NOC3L: variants seen among roughly 807,000 people sequenced by gnomAD.
NOC3L encodes the protein nucleolar complex protein 3 homolog.
A neutral mutation model predicts 102.5 loss-of-function variants in NOC3L; 85 were observed. That is an observed-to-expected ratio of 0.83 (90% CI 0.70 to 0.99). NOC3L has a LOEUF of 0.99. Among genes scored for constraint, NOC3L ranks in the 50% least tolerant of loss-of-function variants. NOC3L has a pLI of 0.00. For missense variants in NOC3L, 878 were observed against 914.9 expected (o/e 0.96, Z 0.52); for synonymous variants, 303 against 309.4 (o/e 0.98, Z 0.22).
rs911546033 is a variant in NOC3L, at chr10:94,340,564, T to TA, written c.1645-69dup. On this transcript the variant is annotated intron_variant, in intron 14 of 20. Coordinates refer to ENST00000371361, the MANE Select transcript of NOC3L (RefSeq NM_022451.11). ...GAATGGTAATTGCCATTTATAGCTTTAAAAAAGAACTTTAAGGCCAGGAGC... is the reference window on the plus strand; with the variant it reads ...GAATGGTAATTGCCATTTATAGCTTTAAAAAAAGAACTTTAAGGCCAGGAGC... 3.6e-5 allele frequency: 49 copies of TA among 1,361,346 alleles called. No individual in the cohort carries two copies. In the African/African-American group the frequency reaches 6.5e-4, roughly 18 times the overall value. The allele number at this position is 1,361,346 out of a possible 1,614,324, so 84.3% of individuals were successfully genotyped here.
intron 16 of NOC3L, 82 bp from the exon 17 acceptor site, chr10:94,340,002 G>A: frequency 7.9e-7 from 1 of 1,257,876 alleles, no homozygotes; most frequent in Non-Finnish European, 1.1e-6. Flanking sequence ...ATAAACCCAA[G>A]ATAAACTTTT....
chr10:94,361,637 C>A, intron 2 of NOC3L, 28 bp downstream of exon 2: 1 of 1,596,744 alleles, frequency 6.3e-7, no homozygotes, highest in South Asian at 1.1e-5. Context: ...TCAATGGAAA[C>A]CAGAGCACAT....
At chr10:94,340,622 G>C (rs2054271713) in intron 14 of NOC3L, 126 bp from the exon 15 acceptor site, 1 of 753,032 alleles carries the variant, frequency 1.3e-6, no homozygotes, top group Non-Finnish European at 2.2e-6. Flanking sequence ...AGCAATTTGG[G>C]AGGCTGAGGC....
chr10:94,345,960 C>T (rs528035561), intron 11 of NOC3L, among the ~76,000 whole-genome samples: 42 of 152,064 alleles, frequency 2.8e-4, no homozygotes, highest in Non-Finnish European at 5.0e-4. Flanking sequence ...TTATTAGCCC[C>T]GTTTATCAAA....
intron 18 of NOC3L, among the ~76,000 whole-genome samples, chr10:94,338,390 T>C (rs1172482593): frequency 6.6e-6 from 1 of 152,194 alleles, no homozygotes; most frequent in African/African-American, 2.4e-5. Context: ...CCTACAGAAC[T>C]GACACTGTTT....
chr10:94,337,321 T>C (rs1030966260), intron 19 of NOC3L, among the ~76,000 whole-genome samples: 1 of 151,452 alleles, frequency 6.6e-6, no homozygotes, highest in Non-Finnish European at 1.5e-5. Context: ...TCTCCTCATT[T>C]TTTTTTTCTC....
chr10:94,331,676 C>T (rs574311085), downstream of NOC3L: 129 of 152,246 alleles, frequency 8.5e-4, 1 homozygote, highest in Non-Finnish European at 1.4e-3. Context: ...GGGAGATTGT[C>T]TCTTATACAG....
chr10:94,351,620 T>C (rs1486180369), intron 8 of NOC3L, among the ~76,000 whole-genome samples: 1 of 152,086 alleles, frequency 6.6e-6, no homozygotes, highest in East Asian at 1.9e-4. Flanking sequence ...CTCAAACTTC[T>C]GGACTCAAGT....
At chr10:94,344,703 C>T (rs552084850) in intron 12 of NOC3L, 150 bp downstream of exon 12, 1 of 684,066 alleles carries the variant, frequency 1.5e-6, no homozygotes, top group Non-Finnish European at 2.5e-6. Context: ...TAGCACTGAT[C>T]ACATCACAGT....
chr10:94,328,012 A>G, the NOC3L span: 1 of 531,250 alleles, frequency 1.9e-6, no homozygotes. Flanking sequence ...CATGGTGGAA[A>G]AAATATAATT....
At chr10:94,316,727 G>A in the NOC3L span, 3 of 1,613,940 alleles carry the variant, frequency 1.9e-6, no homozygotes, top group South Asian at 2.2e-5. Context: ...GGGATACATG[G>A]GCAGGATTGT....
chr10:94,337,993 CAGTAT>C, intron 18 of NOC3L, 119 bp from the exon 19 acceptor site: 1 of 561,432 alleles, frequency 1.8e-6, no homozygotes, highest in South Asian at 2.9e-5. Context: ...CACCTATGTA[CAGTAT>C]ATGTAATTCA....
the NOC3L span, among the ~76,000 whole-genome samples, chr10:94,319,814 T>C: frequency 6.6e-6 from 1 of 150,760 alleles, no homozygotes; most frequent in South Asian, 2.1e-4. Context: ...TTCGAACTAA[T>C]GTGGCTAGAA....
chr10:94,362,866 G>A lies in NOC3L; in HGVS notation c.-28C>T, dbSNP rs375263761. The A allele has an allele frequency of 6.2e-7, 1 of 1,613,974 alleles. No individual in the cohort carries two copies. ...TTAGGCCTTAAATGAATGCCGGCCAGACAAGTTCACCAGAAGCAGGGTTAC... is the reference window on the plus strand; with the variant it reads ...TTAGGCCTTAAATGAATGCCGGCCAAACAAGTTCACCAGAAGCAGGGTTAC... On this transcript the variant is annotated 5_prime_UTR_variant, in exon 1 of 21. Transcript: ENST00000371361.
At position 94,362,939 on chromosome 10, in the gene NOC3L, C is replaced by A; in HGVS notation, c.-101G>T. The A allele has an allele frequency of 6.3e-7, 1 of 1,588,588 alleles. No homozygotes were observed. Among genetic ancestry groups the A allele is most frequent in the East Asian group, 2.2e-5 (1 of 44,668 alleles). ...ACACGTGCCGAAGTCCCTACACTAC[C>A]AGAGCCGGAAACGGCCTTCAGTCCC... On this transcript the variant is annotated 5_prime_UTR_variant, in exon 1 of 21. Coordinates refer to ENST00000371361, the MANE Select transcript of NOC3L (RefSeq NM_022451.11).
rs2054238715 is a variant in NOC3L at position 94,337,820 on chromosome 10, G to A, written c.2146C>T (p.Pro716Ser). 1 of 1,614,070 alleles carries A rather than the reference G, an allele frequency of 6.2e-7. No homozygotes were observed. Among genetic ancestry groups the A allele is most frequent in the Non-Finnish European group, 8.5e-7 (1 of 1,179,980 alleles). Residue 716 changes from proline to serine, a missense_variant, in exon 19 of 21, where the codon CCT becomes TCT. Pro to Ser is a moderately conservative substitution (Grantham distance 74). Transcript: ENST00000371361. The part of the protein sequence containing the change: ...RFAAHLIAGA[P>S]SEGSGALKPE... ...TTGAGTGCTCCAGAGCCTTCAGAAGGTGCTCCAGCGATCAGGTGGGCTGCA... is the reference window on the plus strand; with the variant it reads ...TTGAGTGCTCCAGAGCCTTCAGAAGATGCTCCAGCGATCAGGTGGGCTGCA...
intron 8 of NOC3L, among the ~76,000 whole-genome samples, chr10:94,351,691 A>AT (rs72378230): frequency 0.11 from 14,993 of 139,992 alleles, 901 homozygotes; most frequent in East Asian, 0.21. Context: ...ATCATGCCTA[A>AT]TTTTTTTTTT....
chr10:94,349,397 T>C lies in NOC3L; in HGVS notation c.1129-19A>G, dbSNP rs1163709369. ...CAGATATCTGAAAAATAAAATGTCATACTTAACCAGTGTTTCTCAACCTTA... is the reference window on the plus strand; with the variant it reads ...CAGATATCTGAAAAATAAAATGTCACACTTAACCAGTGTTTCTCAACCTTA... On this transcript the variant is annotated intron_variant, in intron 9 of 20. Transcript: ENST00000371361. The C allele has an allele frequency of 1.9e-6, 3 of 1,566,912 alleles. No individual in the cohort carries two copies. The highest frequency in any genetic ancestry group is 2.3e-5 in the East Asian group (1 of 44,150).
In NOC3L at chr10:94,352,299, G is replaced by A. The variant is rs775562879; in HGVS notation, c.952+11C>T. Reference sequence around the variant, plus strand: ...AGTATGTTACAAACTTTGAAGATATGTTTAATATACCTTTAACCATTTGTT... The same window carrying A: ...AGTATGTTACAAACTTTGAAGATATATTTAATATACCTTTAACCATTTGTT... On this transcript the variant is annotated intron_variant, in intron 8 of 20. Coordinates refer to ENST00000371361, the MANE Select transcript of NOC3L (RefSeq NM_022451.11). 3 of 1,551,768 alleles carry A rather than the reference G, an allele frequency of 1.9e-6. No homozygotes were observed. The South Asian group carries it at 3.4e-5, about 17-fold the overall frequency.
Sources: gnomAD v4.1 joint callset for allele counts (sites outside exome capture counted in the v4.1 genomes callset) on GRCh38, gnomAD v4.1.1 for gene constraint, MANE v1.5 for transcripts, NCBI Gene and HGNC (gene_info 2026-07-23, HGNC 2026-07-21) for gene names.